REXO5: variants seen among roughly 807,000 people sequenced by gnomAD.
REXO5 encodes the protein exonuclease NEF-sp.
A neutral mutation model predicts 88.5 loss-of-function variants in REXO5; 48 were observed. That is an observed-to-expected ratio of 0.54 (90% confidence interval 0.43 to 0.69). The LOEUF is 0.69. Among genes scored for constraint, REXO5 ranks in the 30% least tolerant of loss-of-function variants. The probability of loss-of-function intolerance (pLI) is 0.00; values close to 1 mark genes in which losing one functional copy is unlikely to be tolerated. For missense variants in REXO5, 749 were observed against 912.2 expected (o/e 0.82, Z 2.30); for synonymous variants, 311 against 336.5 (o/e 0.92, Z 0.83).
intron 19 of REXO5, among the ~76,000 whole-genome samples, chr16:20,847,814 A>G (rs1465233165): frequency 5.9e-5 from 9 of 152,342 alleles, no homozygotes; most frequent in Non-Finnish European, 1.3e-4. Flanking sequence ...GTATGGTGGT[A>G]GGTGGACTGG....
Position 20,812,228 on chromosome 16 carries a change from G to A in REXO5, c.139-962G>A, listed in dbSNP as rs1243543016. ...TTTATTAAACAAATATAGGCTGGGCGTGGTGACTATAGGCCGGGCGTGGTG... is the reference window on the plus strand; with the variant it reads ...TTTATTAAACAAATATAGGCTGGGCATGGTGACTATAGGCCGGGCGTGGTG... On this transcript the variant is annotated intron_variant, in intron 2 of 19. Coordinates refer to ENST00000261377, the MANE Select transcript of REXO5 (RefSeq NM_030941.3). Among the ~76,000 whole-genome samples, 6 of 152,072 alleles carry A rather than the reference G, an allele frequency of 3.9e-5. No homozygotes were observed. In the South Asian group the frequency reaches 6.2e-4, roughly 16 times the overall value.
chr16:20,827,103 AC>A lies in REXO5; in HGVS notation c.868del (p.Leu290SerfsTer8). The part of the protein sequence containing the change: ...KKILNPVTTK[L>X]KDVQRQLKAL... The stretch of plus-strand genomic sequence containing the variant: ...AGATTCTTAACCCAGTGACGACCAA[AC>A]TCAAAGATGTACAGAGGCAGTTAAA... On this transcript the variant is annotated frameshift_variant, in exon 9 of 20. Transcript: ENST00000261377. LOFTEE classifies it high-confidence loss of function. 6.2e-7 allele frequency: 1 copy of A among 1,614,034 alleles called. No homozygotes were observed. Among genetic ancestry groups the A allele is most frequent in the African/African-American group, 1.3e-5 (1 of 75,002 alleles).
intron 2 of REXO5, 31 bp downstream of exon 2, chr16:20,807,122 C>G (rs1204135721): frequency 6.3e-7 from 1 of 1,580,652 alleles, no homozygotes; most frequent in Non-Finnish European, 8.6e-7. Flanking sequence ...GCAGGCGGCC[C>G]TAGGCGGTTT....
At position 20,832,087 on chromosome 16, in the gene REXO5, G is replaced by T; in HGVS notation, c.1159-69G>T. On this transcript the variant is annotated intron_variant, in intron 11 of 19. Coordinates refer to ENST00000261377, the MANE Select transcript of REXO5 (RefSeq NM_030941.3). ...TTGCTTTTTGTTGTTGTTGCTTTTT[G>T]TTTTGTATTTATTTGAGCATCAAAT... 9.4e-7 allele frequency: 1 copy of T among 1,067,838 alleles called. No individual in the cohort carries two copies. Among genetic ancestry groups the T allele is most frequent in the Admixed American group, 2.3e-5 (1 of 43,880 alleles). 66.1% of individuals were successfully genotyped at this position (1,067,838 alleles called of 1,614,324 possible).
intron 17 of REXO5, 24 bp downstream of exon 17, chr16:20,844,869 G>C (rs768418051): frequency 3.1e-6 from 5 of 1,603,104 alleles, no homozygotes; most frequent in Non-Finnish European, 4.3e-6. Flanking sequence ...ACTGAATGTA[G>C]CTTTGGGGAA....
intron 2 of REXO5, among the ~76,000 whole-genome samples, chr16:20,812,530 A>T (rs1439287225): frequency 6.6e-6 from 1 of 152,106 alleles, no homozygotes; most frequent in Admixed American, 6.5e-5. Flanking sequence ...GTCTCAGAAA[A>T]GAAAAAAACA....
chr16:20,810,234 C>T (rs998837035), intron 2 of REXO5, among the ~76,000 whole-genome samples: 10 of 152,128 alleles, frequency 6.6e-5, no homozygotes, highest in East Asian at 3.8e-4. Context: ...AATAAGATTA[C>T]GTCCCAATAA....
intron 11 of REXO5, among the ~76,000 whole-genome samples, chr16:20,829,912 A>T (rs931441260): frequency 4.6e-5 from 7 of 152,244 alleles, no homozygotes; most frequent in Non-Finnish European, 1.0e-4. Context: ...GGCTTTGCAG[A>T]TCATATTGTC....
At chr16:20,832,524 T>G (rs1168488923) in intron 12 of REXO5, among the ~76,000 whole-genome samples, 2 of 150,722 alleles carry the variant, frequency 1.3e-5, no homozygotes, top group Non-Finnish European at 3.0e-5. Context: ...ATAATTGGAA[T>G]ACGTTGAACC....
intron 10 of REXO5, 108 bp from the exon 11 acceptor site, chr16:20,828,327 A>G: frequency 2.9e-6 from 2 of 695,110 alleles, no homozygotes; most frequent in Non-Finnish European, 4.9e-6. Context: ...ATGCAAATCT[A>G]ATTATCAGAA....
chr16:20,814,845 C>G, intron 3 of REXO5, 82 bp from the exon 4 acceptor site: 1 of 1,372,812 alleles, frequency 7.3e-7, no homozygotes, highest in Non-Finnish European at 9.8e-7. Flanking sequence ...TTTCCTGCGC[C>G]TTCTCCCCTA....
chr16:20,806,760 C>T, intron 1 of REXO5, 55 bp downstream of exon 1: 1 of 1,050,214 alleles, frequency 9.5e-7, no homozygotes, highest in Non-Finnish European at 1.3e-6. Context: ...GGTGTCCAGT[C>T]CGCGGAACGG....
chr16:20,810,904 C>T (rs945374105), intron 2 of REXO5, among the ~76,000 whole-genome samples: 5 of 152,142 alleles, frequency 3.3e-5, no homozygotes, highest in African/African-American at 1.2e-4. Context: ...AGGTGGCTGC[C>T]ACCATCCCTC....
In REXO5 at chr16:20,849,592, A is replaced by G; in HGVS notation, c.*112A>G. On this transcript the variant is annotated 3_prime_UTR_variant, in exon 20 of 20. Coordinates refer to ENST00000261377, the MANE Select transcript of REXO5 (RefSeq NM_030941.3). ...GCAGACAGCTTTATGGAAACTTGGTATAGCAGCTAAAAGAGTTTAGTTTGT... is the reference window on the plus strand; with the variant it reads ...GCAGACAGCTTTATGGAAACTTGGTGTAGCAGCTAAAAGAGTTTAGTTTGT... 1 of 879,288 alleles carries G rather than the reference A, an allele frequency of 1.1e-6. No individual in the cohort carries two copies. Among genetic ancestry groups the G allele is most frequent in the Non-Finnish European group, 1.9e-6 (1 of 538,824 alleles). The allele number at this position is 879,288 out of a possible 1,614,324, so 54.5% of individuals were successfully genotyped here. A position where few individuals can be genotyped will look rare whatever the true frequency, so the allele number is the denominator to read the frequency against.
chr16:20,849,662 C>T lies in REXO5; in HGVS notation c.*182C>T, dbSNP rs2081663314. 3 of 602,368 alleles carry T rather than the reference C, an allele frequency of 5.0e-6. No homozygotes were observed. Among genetic ancestry groups the T allele is most frequent in the Non-Finnish European group, 8.9e-6 (3 of 338,462 alleles). The allele number at this position is 602,368 out of a possible 1,614,324, so 37.3% of individuals were successfully genotyped here. A position where few individuals can be genotyped will look rare whatever the true frequency, so the allele number is the denominator to read the frequency against. On this transcript the variant is annotated 3_prime_UTR_variant, in exon 20 of 20. Transcript: ENST00000261377. ...TTTCAATAAATGCCTAAAGTTCAAG[C>T]ATAGTATGGGGATGTCCACAGATTG...
chr16:20,807,816 C>T (rs1355271224), intron 2 of REXO5, among the ~76,000 whole-genome samples: 1 of 151,818 alleles, frequency 6.6e-6, no homozygotes, highest in Non-Finnish European at 1.5e-5. Flanking sequence ...TCCTGGGGCA[C>T]AAAAATACAA....
chr16:20,846,881 T>C (rs867215317), intron 19 of REXO5, among the ~76,000 whole-genome samples: 7 of 152,234 alleles, frequency 4.6e-5, no homozygotes, highest in Admixed American at 6.5e-5. Flanking sequence ...AATGTCCTTT[T>C]AGTAACATGA....
Position 20,813,264 on chromosome 16 carries a change from G to A in REXO5, c.213G>A (p.Lys71=). 1.9e-6 allele frequency: 3 copies of A among 1,611,120 alleles called. No individual in the cohort carries two copies. The highest frequency in any genetic ancestry group is 2.5e-6 in the Non-Finnish European group (3 of 1,178,434). Residue 71 remains lysine (K), a synonymous_variant, in exon 3 of 20, where the codon AAG becomes AAA. Coordinates refer to ENST00000261377, the MANE Select transcript of REXO5 (RefSeq NM_030941.3). ...VTHDQLCELL[K]YAVLGKSNVP... ...ATGACCAGCTGTGTGAATTGCTGAA[G>A]TATGCAGTTCTGGGCAAATCCAATG...
Position 20,816,360 on chromosome 16 carries a change from G to T in REXO5, c.475+148G>T, listed in dbSNP as rs1458841214. 2.1e-5 allele frequency: 13 copies of T among 618,408 alleles called. No homozygotes were observed. The East Asian group carries it at 3.7e-4, about 18-fold the overall frequency. 38.3% of individuals were successfully genotyped at this position (618,408 alleles called of 1,614,324 possible). ...TTTTTGAAACGGGGGTCTCACTCTT[G>T]TCACCCAGGTGTGAGTGCAGTGGCG... On this transcript the variant is annotated intron_variant, in intron 5 of 19. Transcript: ENST00000261377.
Sources: allele counts gnomAD v4.1 joint callset (sites outside exome capture counted in the v4.1 genomes callset), GRCh38; gene constraint gnomAD v4.1.1; transcripts MANE v1.5; gene names NCBI Gene and HGNC (gene_info 2026-07-23, HGNC 2026-07-21).